L3MBTL4: variants seen among roughly 807,000 people sequenced by gnomAD.
The protein encoded by L3MBTL4 is L3MBTL histone methyl-lysine binding protein 4, also known as lethal(3)malignant brain tumor-like protein 4.
In L3MBTL4, 70 loss-of-function variants were observed where a neutral mutation model predicts 84.5. That is an observed-to-expected ratio of 0.83 (90% CI 0.68 to 1.01). The LOEUF is 1.01. Ranked by LOEUF, L3MBTL4 falls within the 50% of genes least tolerant of loss-of-function variation. The pLI, the probability that L3MBTL4 is intolerant of heterozygous loss-of-function variation, is 0.00. For missense variants in L3MBTL4, 715 were observed against 754.8 expected (o/e 0.95, Z 0.62); for synonymous variants, 274 against 259.8 (o/e 1.05, Z -0.52).
intron 10 of L3MBTL4, among the ~76,000 whole-genome samples, chr18:6,218,398 G>A (rs563625335): frequency 6.6e-6 from 1 of 152,220 alleles, no homozygotes; most frequent in East Asian, 1.9e-4. Flanking sequence ...CCCCTTCCAT[G>A]CTGGGCTTCT....
chr18:5,996,007 T>C (rs1449502786), intron 16 of L3MBTL4, among the ~76,000 whole-genome samples: 3 of 152,374 alleles, frequency 2.0e-5, no homozygotes, highest in Middle Eastern at 6.8e-3. Context: ...GGCTGCAGTA[T>C]TGATAACTTT....
chr18:6,109,504 C>T (rs944357245), intron 14 of L3MBTL4, among the ~76,000 whole-genome samples: 1 of 152,094 alleles, frequency 6.6e-6, no homozygotes, highest in Non-Finnish European at 1.5e-5. Flanking sequence ...CCTGAGCACC[C>T]CTCTAATAGG....
At position 5,967,068 on chromosome 18, in the gene L3MBTL4, T is replaced by C. The variant is rs559546009; in HGVS notation, c.1614+2325A>G. 2.0e-5 allele frequency among the ~76,000 whole-genome samples: 3 copies of C among 152,364 alleles called. No homozygotes were observed. The East Asian group carries it at 5.8e-4, about 29-fold the overall frequency. ...TCTACAGATCTGTGCAATTCTCATC[T>C]TCCTGAAACGCCATCTTCACAAAGT... On this transcript the variant is annotated intron_variant, in intron 17 of 18. Transcript: ENST00000317931.
intron 12 of L3MBTL4, among the ~76,000 whole-genome samples, chr18:6,208,973 A>T (rs1182572924): frequency 6.6e-6 from 1 of 152,228 alleles, no homozygotes; most frequent in Non-Finnish European, 1.5e-5. Flanking sequence ...TGGATTTATG[A>T]GGGTGAGCGA....
rs16949429 is a variant in L3MBTL4, at chr18:6,103,720, C to A, written c.1200-10192G>T. On this transcript the variant is annotated intron_variant, in intron 14 of 18. Transcript: ENST00000317931. ...TTACATAGGTATATATTTATGTATA[C>A]CCGCAAGCATCTAACCTGTGTGTTA... Among the ~76,000 whole-genome samples, 1,244 of 152,246 alleles carry A rather than the reference C, an allele frequency of 8.2e-3. 6 individuals are homozygous for A. Among genetic ancestry groups the A allele is most frequent in the Middle Eastern group, 0.061 (18 of 294 alleles).
At chr18:6,248,318 G>C (rs1222340983) in intron 5 of L3MBTL4, among the ~76,000 whole-genome samples, 1 of 152,164 alleles carries the variant, frequency 6.6e-6, no homozygotes, top group Admixed American at 6.5e-5. Context: ...TGTCATCCAA[G>C]AATGGAGTAT....
chr18:5,986,132 C>T (rs928376787), intron 16 of L3MBTL4, among the ~76,000 whole-genome samples: 5 of 152,082 alleles, frequency 3.3e-5, no homozygotes, highest in African/African-American at 7.2e-5. Flanking sequence ...GCTGAGAGGC[C>T]GAAAGAGATG....
chr18:6,132,169 A>G (rs1462628437), intron 14 of L3MBTL4, among the ~76,000 whole-genome samples: 1 of 152,200 alleles, frequency 6.6e-6, no homozygotes, highest in African/African-American at 2.4e-5. Context: ...ATAGTGTTTA[A>G]TATAATAAAA....
rs556924109 is a variant in L3MBTL4 at position 6,050,172 on chromosome 18, C to T, written c.1444+30709G>A. 7.9e-5 allele frequency among the ~76,000 whole-genome samples: 12 copies of T among 152,216 alleles called. No homozygotes were observed. In the South Asian group the frequency reaches 1.7e-3, roughly 21 times the overall value. The stretch of plus-strand genomic sequence containing the variant: ...ATTATAAAGTGACATAGTGACAATG[C>T]GACATGGGAGGGTACTGGGTCAAAA... On this transcript the variant is annotated intron_variant, in intron 16 of 18. Coordinates refer to ENST00000317931, the MANE Select transcript of L3MBTL4 (RefSeq NM_001330559.2).
chr18:5,986,177 A>C (rs883458), intron 16 of L3MBTL4, among the ~76,000 whole-genome samples: 32,369 of 152,120 alleles, frequency 0.21, 6,094 homozygotes, highest in African/African-American at 0.5. Context: ...GTCTCCTAAC[A>C]AGTGAGCATG....
At chr18:5,982,272 C>T (rs2053267219) in intron 16 of L3MBTL4, among the ~76,000 whole-genome samples, 1 of 152,150 alleles carries the variant, frequency 6.6e-6, no homozygotes, top group African/African-American at 2.4e-5. Flanking sequence ...GCTCCTGCCA[C>T]CCCACCCTTT....
chr18:5,964,299 C>A (rs2052221090), intron 17 of L3MBTL4, among the ~76,000 whole-genome samples: 1 of 152,236 alleles, frequency 6.6e-6, no homozygotes. Context: ...GACCTCACTT[C>A]CCCCACGACC....
At chr18:6,068,482 T>A (rs2057469794) in intron 16 of L3MBTL4, among the ~76,000 whole-genome samples, 1 of 152,180 alleles carries the variant, frequency 6.6e-6, no homozygotes, top group Admixed American at 6.5e-5. Context: ...CTATCCACCT[T>A]CCTGTCCCAG....
chr18:6,372,920 G>C (rs1334876161), intron 1 of L3MBTL4, among the ~76,000 whole-genome samples: 2 of 152,190 alleles, frequency 1.3e-5, no homozygotes, highest in Non-Finnish European at 2.9e-5. Context: ...TTTAAATTCA[G>C]TATCCTCTTG....
intron 5 of L3MBTL4, chr18:6,259,472 T>A (rs1004244313): frequency 2.0e-5 from 3 of 152,594 alleles, no homozygotes; most frequent in African/African-American, 7.2e-5. Context: ...TGATTAGTGA[T>A]GTTGAGCATT....
intron 12 of L3MBTL4, among the ~76,000 whole-genome samples, chr18:6,197,266 C>T (rs1291461699): frequency 6.6e-6 from 1 of 152,230 alleles, no homozygotes; most frequent in Non-Finnish European, 1.5e-5. Flanking sequence ...TCCCTCCCCA[C>T]ATCCAACCCC....
intron 16 of L3MBTL4, among the ~76,000 whole-genome samples, chr18:6,040,441 A>T (rs2056349698): frequency 6.6e-6 from 1 of 152,202 alleles, no homozygotes; most frequent in African/African-American, 2.4e-5. Context: ...TGTCTATAGC[A>T]TTGAGATAGA....
chr18:6,192,215 A>G (rs2045141247), intron 12 of L3MBTL4, among the ~76,000 whole-genome samples: 1 of 152,174 alleles, frequency 6.6e-6, no homozygotes, highest in South Asian at 2.1e-4. Context: ...TGGCAGCAGA[A>G]AAATGAATGA....
chr18:6,036,365 C>G (rs2056140548), intron 16 of L3MBTL4, among the ~76,000 whole-genome samples: 1 of 151,552 alleles, frequency 6.6e-6, no homozygotes, highest in Non-Finnish European at 1.5e-5. Flanking sequence ...TTTGCTGATT[C>G]TGTTTTTTTT....
Sources: allele counts gnomAD v4.1 joint callset (sites outside exome capture counted in the v4.1 genomes callset), GRCh38; gene constraint gnomAD v4.1.1; transcripts MANE v1.5; gene names NCBI Gene and HGNC (gene_info 2026-07-23, HGNC 2026-07-21).